Variants in ACSF2 observed in about 807,000 individuals in gnomAD.
ACSF2 encodes the protein acyl-CoA synthetase family member 2.
In ACSF2, 52 loss-of-function variants were observed where a neutral mutation model predicts 79.3. That is an observed-to-expected ratio of 0.66 (90% CI 0.53 to 0.83). The LOEUF (loss-of-function observed/expected upper bound fraction) is 0.83. Among genes scored for constraint, ACSF2 ranks in the 40% least tolerant of loss-of-function variants. The probability of loss-of-function intolerance (pLI) is 0.00; values close to 1 mark genes in which losing one functional copy is unlikely to be tolerated. For synonymous variants in ACSF2, 283 were observed against 312.6 expected, an observed-to-expected ratio of 0.91 and a Z score of 1.00; for missense variants, 661 against 803.3, an observed-to-expected ratio of 0.82 and a Z score of 2.14.
rs147172212 is a variant in ACSF2 at position 50,444,509 on chromosome 17, C to T, written c.129-16168C>T. Among the ~76,000 whole-genome samples the T allele has an allele frequency of 2.8e-3, 422 of 151,960 alleles. 2 individuals are homozygous for T. Among genetic ancestry groups the T allele is most frequent in the African/African-American group, 9.7e-3 (404 of 41,458 alleles). On this transcript the variant is annotated intron_variant, in intron 1 of 15. Transcript: ENST00000300441. ...GGTAGAAGTTGCAATGAGCTGAGAT[C>T]GCACCACTGCACTCCAGCCTGGCGA...
chr17:50,473,364 G>T, intron 12 of ACSF2: 1 of 359,076 alleles, frequency 2.8e-6, no homozygotes, highest in Non-Finnish European at 5.2e-6. Flanking sequence ...TAGATTGAGT[G>T]GACAGAGAAG....
chr17:50,462,046 G>C (rs2143709236), intron 4 of ACSF2, 138 bp from the exon 5 acceptor site: 2 of 707,842 alleles, frequency 2.8e-6, no homozygotes, highest in Non-Finnish European at 4.9e-6. Context: ...CTTGGAGTGT[G>C]GTGCCTGTGA....
At position 50,463,006 on chromosome 17, in the gene ACSF2, G is replaced by T. The variant is rs565124250; in HGVS notation, c.793-150G>T. 4 of 688,402 alleles carry T rather than the reference G, an allele frequency of 5.8e-6. No individual in the cohort carries two copies. Among genetic ancestry groups the T allele is most frequent in the Admixed American group, 5.0e-5 (2 of 40,128 alleles). The allele number at this position is 688,402 out of a possible 1,614,324, so 42.6% of individuals were successfully genotyped here. A position where few individuals can be genotyped will look rare whatever the true frequency, so the allele number is the denominator to read the frequency against. ...TTGCTGGACCCTGACACCTGGTATC[G>T]TGGTAGACCTTTTGCAAATATACTG... On this transcript the variant is annotated intron_variant, in intron 6 of 15. Transcript: ENST00000300441. The surrounding 1 kb of genome is among the most constrained non-coding windows in gnomAD (Gnocchi z 4.6).
At chr17:50,461,487 T>C in intron 3 of ACSF2, 117 bp downstream of exon 3, 2 of 1,584,990 alleles carry the variant, frequency 1.3e-6, no homozygotes, top group Admixed American at 1.7e-5. Context: ...TCAAACCAGG[T>C]AGTGCTTTCT....
intron 1 of ACSF2, chr17:50,450,424 C>G (rs2031594044): frequency 2.0e-5 from 3 of 152,002 alleles, no homozygotes; most frequent in Admixed American, 1.3e-4. Context: ...TCGCTTGAAC[C>G]CAGGAGGCAG....
chr17:50,434,495 T>A (rs2143505424), intron 1 of ACSF2, among the ~76,000 whole-genome samples: 1 of 152,116 alleles, frequency 6.6e-6, no homozygotes, highest in South Asian at 2.1e-4. Context: ...AAGACCAGCC[T>A]GGCCAACATG....
intron 11 of ACSF2, 81 bp from the exon 12 acceptor site, chr17:50,472,346 GC>G (rs1417428662): frequency 2.0e-6 from 3 of 1,519,636 alleles, no homozygotes; most frequent in Non-Finnish European, 2.6e-6. Flanking sequence ...TTGGGGGCAG[GC>G]AAAGCTCTCT....
intron 10 of ACSF2, chr17:50,465,506 C>T: frequency 6.3e-7 from 1 of 1,581,502 alleles, no homozygotes; most frequent in African/African-American, 1.4e-5. Flanking sequence ...GGGCAGTGAA[C>T]TATGGGGCCA....
chr17:50,438,793 C>T (rs1416218189), intron 1 of ACSF2, among the ~76,000 whole-genome samples: 1 of 152,072 alleles, frequency 6.6e-6, no homozygotes, highest in Non-Finnish European at 1.5e-5. Context: ...TCTCAAACTC[C>T]TGATCTCAGG....
At chr17:50,464,892 G>T in intron 10 of ACSF2, 1 of 348,196 alleles carries the variant, frequency 2.9e-6, no homozygotes, top group Non-Finnish European at 5.6e-6. Context: ...TGGGTTGGTA[G>T]TGGAGTGCCC....
rs769729249 is a variant in ACSF2 at position 50,472,530 on chromosome 17, C to T, written c.1426C>T (p.Pro476Ser). ...YCVMLGYWGEPQKTEEAVDQD... is the reference protein window; with the variant it reads ...YCVMLGYWGESQKTEEAVDQD... Reference sequence around the variant, plus strand: ...CGTCATGCTGGGCTACTGGGGTGAGCCTCAGAAGACAGAGGAAGCAGTGGA... The same window carrying T: ...CGTCATGCTGGGCTACTGGGGTGAGTCTCAGAAGACAGAGGAAGCAGTGGA... Residue 476 changes from proline to serine, a missense_variant, in exon 12 of 16, where the codon CCT (proline) becomes TCT (serine). Transcript: ENST00000300441. 4 of 1,612,084 alleles carry T rather than the reference C, an allele frequency of 2.5e-6. No homozygotes were observed.
intron 6 of ACSF2, chr17:50,462,793 C>T: frequency 1.6e-6 from 1 of 629,754 alleles, no homozygotes; most frequent in Non-Finnish European, 2.7e-6. Context: ...TCCACTCCAG[C>T]CCTCTTGTTC....
At chr17:50,468,568 C>T in intron 10 of ACSF2, 1 of 1,614,250 alleles carries the variant, frequency 6.2e-7, no homozygotes, top group South Asian at 1.1e-5. Flanking sequence ...GGCAGTGCTG[C>T]AGGTGCAATG....
intron 1 of ACSF2, among the ~76,000 whole-genome samples, chr17:50,431,895 C>CT (rs1567835584): frequency 6.6e-6 from 1 of 151,578 alleles, no homozygotes; most frequent in African/African-American, 2.4e-5. Context: ...TTAAACTTGA[C>CT]TTTTTTTTTC....
intron 1 of ACSF2, among the ~76,000 whole-genome samples, chr17:50,454,267 C>T (rs142387411): frequency 6.6e-6 from 1 of 151,096 alleles, no homozygotes; most frequent in African/African-American, 2.4e-5. Context: ...CTGCCTTGGC[C>T]TTCCAAAGTG....
Position 50,472,598 on chromosome 17 carries a change from G to C in ACSF2, c.1475+19G>C, listed in dbSNP as rs376691609. Reference sequence around the variant, plus strand: ...GGACAGGGTGAGAAGGCAGGGCGGGGTGGAGGCTCTGGCCGCTGAGGGGAG... The same window carrying C: ...GGACAGGGTGAGAAGGCAGGGCGGGCTGGAGGCTCTGGCCGCTGAGGGGAG... On this transcript the variant is annotated intron_variant, in intron 12 of 15. Coordinates refer to ENST00000300441, the MANE Select transcript of ACSF2 (RefSeq NM_025149.6). 5.1e-6 allele frequency: 8 copies of C among 1,573,520 alleles called. No homozygotes were observed. In the African/African-American group the frequency reaches 6.8e-5, roughly 13 times the overall value.
Position 50,470,880 on chromosome 17 carries a change from C to T in ACSF2, c.1216-148C>T. 3.1e-6 allele frequency: 2 copies of T among 648,296 alleles called. 1 individual carries two copies. Among genetic ancestry groups the T allele is most frequent in the South Asian group, 3.5e-5 (2 of 56,762 alleles). 40.2% of individuals were successfully genotyped at this position (648,296 alleles called of 1,614,324 possible). A position where few individuals can be genotyped will look rare whatever the true frequency, so the allele number is the denominator to read the frequency against. ...GCACCTCTGCCTCCTGACCCCAGGC[C>T]CCTACCAATGATGTCTCTGTTTCCA... On this transcript the variant is annotated intron_variant, in intron 10 of 15. Coordinates refer to ENST00000300441, the MANE Select transcript of ACSF2 (RefSeq NM_025149.6).
chr17:50,428,885 T>A (rs1054168366), intron 1 of ACSF2, among the ~76,000 whole-genome samples: 1 of 152,266 alleles, frequency 6.6e-6, no homozygotes, highest in Admixed American at 6.5e-5. Context: ...GCTGTGCATA[T>A]AGAGGCCACA....
Position 50,471,507 on chromosome 17 carries a change from C to CA in ACSF2, c.1323+372_1323+373insA. On this transcript the variant is annotated intron_variant, in intron 11 of 15. Transcript: ENST00000300441. This position sits in a 1 kb window ranked among gnomAD's most constrained non-coding sequence, Gnocchi z 4.1. ...TTTTCCTCCAGTGGTGCTCGCCTCT[C>CA]GCTTTAGCAGAGTTCTTCTTCTTGC... The CA allele has an allele frequency of 3.8e-6, 1 of 266,640 alleles. No homozygotes were observed. Among genetic ancestry groups the CA allele is most frequent in the Admixed American group, 4.4e-5 (1 of 22,580 alleles). 16.5% of individuals were successfully genotyped at this position (266,640 alleles called of 1,614,324 possible).
Sources: gnomAD v4.1 joint callset for allele counts (sites outside exome capture counted in the v4.1 genomes callset) on GRCh38, gnomAD v4.1.1 for gene constraint, Gnocchi (gnomAD v3.1) non-coding constraint, MANE v1.5 for transcripts, NCBI Gene and HGNC (gene_info 2026-07-23, HGNC 2026-07-21) for gene names.